The following NRXN3 variants were observed in gnomAD, a reference collection of about 807,000 sequenced individuals.
NRXN3 encodes the protein neurexin 3.
NRXN3 carries 32 observed loss-of-function variants against 137.6 expected under a neutral mutation model. The ratio of observed to expected loss-of-function variants is 0.23; its 90% CI spans 0.18 to 0.31. NRXN3 has a LOEUF of 0.31. Among genes scored for constraint, NRXN3 ranks in the 10% least tolerant of loss-of-function variants. The pLI is 1.00. For synonymous variants in NRXN3, 798 were observed against 784.5 expected (o/e 1.02, Z -0.29); for missense variants, 1,574 against 2,062.5 (o/e 0.76, Z 4.59).
intron 4 of NRXN3, among the ~76,000 whole-genome samples, chr14:78,433,655 G>A (rs1391788677): frequency 8.6e-5 from 13 of 152,038 alleles, no homozygotes; most frequent in Non-Finnish European, 1.6e-4. Flanking sequence ...CTTTTCTTGC[G>A]TGCATGCTCT....
chr14:79,347,119 C>T (rs1362511087), intron 15 of NRXN3, among the ~76,000 whole-genome samples: 1 of 151,990 alleles, frequency 6.6e-6, no homozygotes, highest in Admixed American at 6.6e-5. Context: ...CCATGCTTGT[C>T]CCCCCACCCT....
chr14:78,816,689 G>A (rs993243541), intron 10 of NRXN3, among the ~76,000 whole-genome samples: 4 of 152,126 alleles, frequency 2.6e-5, no homozygotes, highest in African/African-American at 9.7e-5. Flanking sequence ...GAACTGCTGA[G>A]TCAAAAGATA....
chr14:78,986,241 A>G (rs2099504045), intron 14 of NRXN3, among the ~76,000 whole-genome samples: 1 of 152,164 alleles, frequency 6.6e-6, no homozygotes, highest in Admixed American at 6.5e-5. Context: ...GCTTTTATGC[A>G]TTAGTTCCTG....
intron 15 of NRXN3, among the ~76,000 whole-genome samples, chr14:79,249,802 A>C (rs1010951139): frequency 6.6e-5 from 10 of 152,220 alleles, no homozygotes; most frequent in Admixed American, 6.5e-4. Context: ...AAAGGAAGTG[A>C]ATCTGGGATG....
intron 4 of NRXN3, among the ~76,000 whole-genome samples, chr14:78,530,943 G>A (rs146431000): frequency 4.6e-5 from 7 of 152,244 alleles, no homozygotes; most frequent in African/African-American, 1.4e-4. Context: ...GAGCTTTGCT[G>A]ATGAACAGCA....
chr14:79,429,215 A>T (rs528159801), intron 15 of NRXN3, among the ~76,000 whole-genome samples: 1 of 152,112 alleles, frequency 6.6e-6, no homozygotes, highest in Non-Finnish European at 1.5e-5. Context: ...GTTTTTGAGA[A>T]ATCGATTCGT....
At chr14:79,388,358 A>T (rs749119432) in intron 15 of NRXN3, among the ~76,000 whole-genome samples, 37 of 152,140 alleles carry the variant, frequency 2.4e-4, no homozygotes, top group Admixed American at 4.6e-4. Context: ...AGAATGGCCT[A>T]ACACAGTGGC....
At chr14:79,588,030 T>C (rs1301531044) in intron 16 of NRXN3, among the ~76,000 whole-genome samples, 1 of 152,230 alleles carries the variant, frequency 6.6e-6, no homozygotes, top group Admixed American at 6.5e-5. Flanking sequence ...TTAGTCATTC[T>C]CAAATATGAT....
chr14:79,160,539 T>C (rs1209928231), intron 15 of NRXN3, among the ~76,000 whole-genome samples: 1 of 151,956 alleles, frequency 6.6e-6, no homozygotes, highest in Non-Finnish European at 1.5e-5. Flanking sequence ...TTCCCTCCTT[T>C]ACTGAATGGA....
chr14:79,513,353 G>C (rs2096951434), intron 16 of NRXN3, among the ~76,000 whole-genome samples: 1 of 152,098 alleles, frequency 6.6e-6, no homozygotes, highest in African/African-American at 2.4e-5. Context: ...GGTGCATTCA[G>C]GACAGGAATT....
chr14:78,174,100 G>A (rs1054788387), intron 1 of NRXN3, among the ~76,000 whole-genome samples: 1 of 152,136 alleles, frequency 6.6e-6, no homozygotes, highest in Admixed American at 6.5e-5. Context: ...CTCACAAGCA[G>A]GGGATTGGAA....
At chr14:79,374,055 C>A (rs746617823) in intron 15 of NRXN3, among the ~76,000 whole-genome samples, 12 of 151,966 alleles carry the variant, frequency 7.9e-5, no homozygotes, top group South Asian at 2.1e-4. Flanking sequence ...ATCTGTGGAC[C>A]AACTTACTAA....
At chr14:79,423,843 T>C (rs1188018445) in intron 15 of NRXN3, among the ~76,000 whole-genome samples, 1 of 152,234 alleles carries the variant, frequency 6.6e-6, no homozygotes, top group African/African-American at 2.4e-5. Flanking sequence ...ATTGCCTTTC[T>C]GCTGGCTCTG....
intron 4 of NRXN3, among the ~76,000 whole-genome samples, chr14:78,485,461 T>C (rs2095546785): frequency 6.6e-6 from 1 of 152,168 alleles, no homozygotes; most frequent in Admixed American, 6.6e-5. Context: ...ATTGGGCACT[T>C]CCTGTGTCCA....
intron 15 of NRXN3, among the ~76,000 whole-genome samples, chr14:79,198,839 A>G (rs541179242): frequency 6.6e-6 from 1 of 152,310 alleles, no homozygotes; most frequent in Non-Finnish European, 1.5e-5. Flanking sequence ...ACTGTGAGAA[A>G]GACTACAAGT....
intron 16 of NRXN3, among the ~76,000 whole-genome samples, chr14:79,545,395 A>G (rs1258745098): frequency 1.3e-5 from 2 of 152,146 alleles, no homozygotes; most frequent in African/African-American, 4.8e-5. Context: ...GTTTTTAAAA[A>G]TGAACAATGT....
At chr14:78,877,584 C>T (rs944774165) in intron 10 of NRXN3, among the ~76,000 whole-genome samples, 3 of 152,188 alleles carry the variant, frequency 2.0e-5, no homozygotes, top group African/African-American at 7.2e-5. Flanking sequence ...CCACACAGTG[C>T]ATAACACAGT....
intron 4 of NRXN3, among the ~76,000 whole-genome samples, chr14:78,304,082 C>T (rs1353118481): frequency 6.6e-6 from 1 of 152,152 alleles, no homozygotes; most frequent in East Asian, 1.9e-4. Flanking sequence ...AATGAAATCT[C>T]TCTACTTACT....
chr14:78,334,291 C>A (rs577390842), intron 4 of NRXN3, among the ~76,000 whole-genome samples: 1 of 152,164 alleles, frequency 6.6e-6, no homozygotes, highest in African/African-American at 2.4e-5. Context: ...AGCATACAGA[C>A]GGTGATTAAA....
Sources: allele counts gnomAD v4.1 joint callset (sites outside exome capture counted in the v4.1 genomes callset), GRCh38; gene constraint gnomAD v4.1.1; transcripts MANE v1.5; gene names NCBI Gene and HGNC (gene_info 2026-07-23, HGNC 2026-07-21).